Variants in BACH2 observed in about 807,000 individuals in gnomAD.
BACH2 encodes the protein BACH transcriptional regulator 2.
BACH2 carries 5 observed loss-of-function variants against 61.8 expected under a neutral mutation model. The observed-to-expected ratio is 0.08, with a 90% CI of 0.04 to 0.17. The LOEUF (loss-of-function observed/expected upper bound fraction) is 0.17, where lower values mean the gene tolerates loss of function less well. Among genes scored for constraint, BACH2 ranks in the 10% least tolerant of loss-of-function variants. BACH2 has a pLI of 1.00. For synonymous variants in BACH2, 446 were observed against 440.1 expected (o/e 1.01, Z -0.17); for missense variants, 824 against 1,091.1 (o/e 0.76, Z 3.45).
chr6:90,294,266 C>G (rs1772267000), intron 1 of BACH2, among the ~76,000 whole-genome samples: 1 of 152,184 alleles, frequency 6.6e-6, no homozygotes, highest in South Asian at 2.1e-4. Context: ...AAATGGCAAA[C>G]CTGAAGCCTC....
chr6:89,970,264 C>T (rs1039009366), intron 6 of BACH2, among the ~76,000 whole-genome samples: 1 of 152,202 alleles, frequency 6.6e-6, no homozygotes, highest in African/African-American at 2.4e-5. Flanking sequence ...CCTGGCAGTG[C>T]CCTGTTCCCA....
At position 90,282,609 on chromosome 6, in the gene BACH2, G is replaced by A. The variant is rs12191097; in HGVS notation, c.-445-10668C>T. On this transcript the variant is annotated intron_variant, in intron 1 of 8. Transcript: ENST00000257749. ...TGCTTATTGTGAATAGTGCCGCAACGAACATACACGTGTATGTGTCTTAGA... is the reference window on the plus strand; with the variant it reads ...TGCTTATTGTGAATAGTGCCGCAACAAACATACACGTGTATGTGTCTTAGA... Among the ~76,000 whole-genome samples the A allele has an allele frequency of 7.0e-3, 1,071 of 152,058 alleles. 5 individuals carry two copies. The highest frequency in any genetic ancestry group is 0.019 in the Admixed American group (287 of 15,268).
intron 7 of BACH2, among the ~76,000 whole-genome samples, chr6:89,947,717 CACG>C (rs1773823126): frequency 6.6e-6 from 1 of 151,978 alleles, no homozygotes; most frequent in Non-Finnish European, 1.5e-5. Flanking sequence ...AGGCGCCCAC[CACG>C]ACGCCCAGCT....
chr6:90,216,594 T>C (rs570145608), intron 3 of BACH2, among the ~76,000 whole-genome samples: 2 of 152,338 alleles, frequency 1.3e-5, no homozygotes, highest in South Asian at 4.1e-4. Flanking sequence ...AAAAGTACTC[T>C]TGCCTGCACC....
intron 3 of BACH2, among the ~76,000 whole-genome samples, chr6:90,239,798 T>A (rs1227840847): frequency 7.6e-6 from 1 of 132,300 alleles, no homozygotes; most frequent in East Asian, 2.2e-4. Context: ...GGGGGGGGAA[T>A]ACACACACAC....
chr6:90,190,630 T>A (rs1427096670), intron 4 of BACH2, among the ~76,000 whole-genome samples: 1 of 152,252 alleles, frequency 6.6e-6, no homozygotes, highest in Admixed American at 6.5e-5. Flanking sequence ...ACTAAAATGC[T>A]AGAGTCCCTA....
chr6:89,985,320 C>T (rs941865748), intron 6 of BACH2, among the ~76,000 whole-genome samples: 22 of 152,202 alleles, frequency 1.4e-4, no homozygotes, highest in African/African-American at 5.1e-4. Context: ...CATCTGCTGG[C>T]GGGGCTGGTG....
At chr6:90,218,576 T>G (rs1296106593) in intron 3 of BACH2, among the ~76,000 whole-genome samples, 1 of 150,762 alleles carries the variant, frequency 6.6e-6, no homozygotes, top group African/African-American at 2.4e-5. Context: ...ACTCAACAAA[T>G]CCATCTGCCT....
chr6:90,149,440 G>A (rs1453110127), intron 4 of BACH2, among the ~76,000 whole-genome samples: 1 of 152,120 alleles, frequency 6.6e-6, no homozygotes, highest in African/African-American at 2.4e-5. Flanking sequence ...TTCCTACCGT[G>A]CTACACATTG....
intron 3 of BACH2, among the ~76,000 whole-genome samples, chr6:90,209,818 C>T (rs563539385): frequency 7.2e-5 from 11 of 152,280 alleles, no homozygotes; most frequent in African/African-American, 2.6e-4. Context: ...TGTTGTTTTA[C>T]AACCGAAACA....
At chr6:90,156,001 A>G (rs1784984480) in intron 4 of BACH2, among the ~76,000 whole-genome samples, 1 of 152,120 alleles carries the variant, frequency 6.6e-6, no homozygotes, top group South Asian at 2.1e-4. Flanking sequence ...TTTTTCCCCA[A>G]TGGAAATCAC....
intron 7 of BACH2, among the ~76,000 whole-genome samples, chr6:89,946,389 TACA>T (rs1272850809): frequency 1.3e-5 from 2 of 152,212 alleles, no homozygotes; most frequent in Non-Finnish European, 2.9e-5. Context: ...TGTGAATTGC[TACA>T]ACATTTTGGG....
intron 4 of BACH2, among the ~76,000 whole-genome samples, chr6:90,178,345 TACAA>T (rs1476574825): frequency 6.6e-6 from 1 of 152,064 alleles, no homozygotes; most frequent in African/African-American, 2.4e-5. Flanking sequence ...GACATCAGAT[TACAA>T]ACAAACAGCT....
intron 2 of BACH2, among the ~76,000 whole-genome samples, chr6:90,257,845 G>C (rs867226888): frequency 2.0e-5 from 3 of 152,050 alleles, no homozygotes; most frequent in Admixed American, 2.0e-4. Flanking sequence ...GCGCCATCTC[G>C]GCTCACTACA....
chr6:90,296,379 C>T (rs976464884), intron 1 of BACH2, 101 bp downstream of exon 1: 2 of 150,758 alleles, frequency 1.3e-5, no homozygotes, highest in Admixed American at 6.6e-5. Flanking sequence ...CGCGCCGTTT[C>T]CCCACGCCTC....
At chr6:90,185,140 G>C (rs956628569) in intron 4 of BACH2, among the ~76,000 whole-genome samples, 4 of 152,122 alleles carry the variant, frequency 2.6e-5, no homozygotes, top group African/African-American at 9.7e-5. Context: ...ATAAGTCAAT[G>C]GGGGGAGACA....
intron 5 of BACH2, among the ~76,000 whole-genome samples, chr6:90,031,454 C>T (rs1465789609): frequency 2.0e-5 from 3 of 152,020 alleles, no homozygotes; most frequent in African/African-American, 7.3e-5. Flanking sequence ...TCTAGAAAAC[C>T]CCATCTTCTC....
At chr6:89,985,229 G>C (rs1776173879) in intron 6 of BACH2, among the ~76,000 whole-genome samples, 1 of 152,198 alleles carries the variant, frequency 6.6e-6, no homozygotes, top group Non-Finnish European at 1.5e-5. Context: ...GTTTAGGAGA[G>C]CACAGAAGTT....
intron 4 of BACH2, among the ~76,000 whole-genome samples, chr6:90,119,062 G>A (rs751142226): frequency 6.6e-6 from 1 of 152,134 alleles, no homozygotes; most frequent in African/African-American, 2.4e-5. Context: ...TTAAATATAT[G>A]TTATCATCCA....
Sources: gnomAD v4.1 joint callset for allele counts (sites outside exome capture counted in the v4.1 genomes callset) on GRCh38, gnomAD v4.1.1 for gene constraint, MANE v1.5 for transcripts, NCBI Gene and HGNC (gene_info 2026-07-23, HGNC 2026-07-21) for gene names.